Variants in SNX10 observed in about 807,000 individuals in gnomAD.
The protein encoded by SNX10 is sorting nexin-10.
In SNX10, 25 loss-of-function variants were observed where a neutral mutation model predicts 28.5. That is an observed-to-expected ratio of 0.88 (90% CI 0.64 to 1.22). The LOEUF is 1.22. Among genes scored for constraint, SNX10 ranks in the 50% most tolerant of loss-of-function variants. The probability of loss-of-function intolerance (pLI) is 0.00; values close to 1 mark genes in which losing one functional copy is unlikely to be tolerated. For synonymous variants in SNX10, 62 were observed against 81.4 expected (o/e 0.76, Z 1.28); for missense variants, 223 against 242.6 (o/e 0.92, Z 0.54).
At position 26,372,323 on chromosome 7, in the gene SNX10, G is replaced by C. The variant is rs548436144; in HGVS notation, c.525-168G>C. ...GAATTATTCGCGTTTAAATTATCTAGCTAAAAAAATACCCAACTGCACTCC... is the reference window on the plus strand; with the variant it reads ...GAATTATTCGCGTTTAAATTATCTACCTAAAAAAATACCCAACTGCACTCC... On this transcript the variant is annotated intron_variant, in intron 6 of 6. Coordinates refer to ENST00000338523, the MANE Select transcript of SNX10 (RefSeq NM_013322.3). 1.4e-5 allele frequency: 9 copies of C among 628,648 alleles called. No homozygotes were observed. In the African/African-American group the frequency reaches 1.6e-4, roughly 11 times the overall value. 38.9% of individuals were successfully genotyped at this position (628,648 alleles called of 1,614,324 possible).
intron 1 of SNX10, among the ~76,000 whole-genome samples, chr7:26,314,035 C>T (rs1786959386): frequency 6.6e-6 from 1 of 152,144 alleles, no homozygotes; most frequent in South Asian, 2.1e-4. Flanking sequence ...TCTCGAACTC[C>T]TGACCTCAGG....
At chr7:26,329,868 C>G (rs1476409514) in intron 1 of SNX10, among the ~76,000 whole-genome samples, 3 of 152,094 alleles carry the variant, frequency 2.0e-5, no homozygotes, top group Non-Finnish European at 4.4e-5. Context: ...CCCTGAGATA[C>G]AAGTGGCTCG....
chr7:26,356,481 G>A (rs984538613), intron 2 of SNX10, among the ~76,000 whole-genome samples: 1 of 152,148 alleles, frequency 6.6e-6, no homozygotes, highest in African/African-American at 2.4e-5. Context: ...TGAGGGATGC[G>A]TCTAATTAAG....
At chr7:26,359,268 T>C (rs575494951) in intron 2 of SNX10, among the ~76,000 whole-genome samples, 13 of 152,292 alleles carry the variant, frequency 8.5e-5, no homozygotes, top group African/African-American at 3.1e-4. Context: ...TGAAACTTGA[T>C]AGGGGCAAAA....
chr7:26,370,473 T>A (rs1789476176), intron 5 of SNX10: 1 of 152,220 alleles, frequency 6.6e-6, no homozygotes, highest in African/African-American at 2.4e-5. Flanking sequence ...CACAAAGGTT[T>A]TACTTTTCCT....
At chr7:26,304,663 C>G (rs1247704964) in intron 1 of SNX10, among the ~76,000 whole-genome samples, 1 of 152,200 alleles carries the variant, frequency 6.6e-6, no homozygotes, top group African/African-American at 2.4e-5. Flanking sequence ...TTCAGTCCCA[C>G]TTTACCACAT....
At position 26,361,029 on chromosome 7, in the gene SNX10, C is replaced by A; in HGVS notation, c.79C>A (p.His27Asn). 1.2e-6 allele frequency: 2 copies of A among 1,607,030 alleles called. No individual in the cohort carries two copies. The highest frequency in any genetic ancestry group is 8.5e-7 in the Non-Finnish European group (1 of 1,174,278). ...TAGGATTCAGAAGGAGGACTTCTGG[C>A]ATTCTTACATTGACTATGAGATATG... Reference protein sequence around the residue: ...DPRIQKEDFWHSYIDYEICIH... With the variant: ...DPRIQKEDFWNSYIDYEICIH... Residue 27 changes from histidine (H) to asparagine (N), a missense_variant, in exon 3 of 7, where the codon CAT becomes AAT. Physicochemically the swap from His to Asn is moderately conservative, Grantham distance 68. Transcript: ENST00000338523.
At chr7:26,341,505 T>C (rs1231555651) in intron 1 of SNX10, among the ~76,000 whole-genome samples, 1 of 151,640 alleles carries the variant, frequency 6.6e-6, no homozygotes, top group African/African-American at 2.4e-5. Flanking sequence ...GTGCATTTTT[T>C]TTTTTTTGAG....
chr7:26,309,876 T>A (rs1447320515), intron 1 of SNX10, among the ~76,000 whole-genome samples: 1 of 152,160 alleles, frequency 6.6e-6, no homozygotes, highest in African/African-American at 2.4e-5. Context: ...TTTGCAAAAT[T>A]GAAGTAATAA....
intron 1 of SNX10, among the ~76,000 whole-genome samples, chr7:26,345,602 G>A (rs1170385368): frequency 2.0e-5 from 3 of 152,180 alleles, no homozygotes; most frequent in Non-Finnish European, 4.4e-5. Flanking sequence ...AGTGACATGA[G>A]TATAGAGACT....
chr7:26,342,646 C>T (rs971988510), intron 1 of SNX10, among the ~76,000 whole-genome samples: 11 of 151,994 alleles, frequency 7.2e-5, no homozygotes, highest in African/African-American at 2.4e-4. Context: ...TAGGAAAATT[C>T]AGACAATATG....
At chr7:26,316,703 G>A (rs893032248) in intron 1 of SNX10, among the ~76,000 whole-genome samples, 5 of 152,158 alleles carry the variant, frequency 3.3e-5, no homozygotes, top group South Asian at 2.1e-4. Context: ...ATACCGAGGC[G>A]CACAGAGGGT....
intron 1 of SNX10, among the ~76,000 whole-genome samples, chr7:26,321,477 T>C (rs1301476685): frequency 3.3e-5 from 5 of 152,224 alleles, no homozygotes; most frequent in African/African-American, 1.2e-4. Context: ...CAAGATTAGC[T>C]TTCTTTGAAG....
intron 2 of SNX10, among the ~76,000 whole-genome samples, chr7:26,355,500 T>C (rs956216441): frequency 6.6e-6 from 1 of 152,224 alleles, no homozygotes; most frequent in South Asian, 2.1e-4. Context: ...ATCTTAGATT[T>C]TCAGCATAGA....
chr7:26,305,160 T>C (rs2127995163), intron 1 of SNX10, among the ~76,000 whole-genome samples: 1 of 152,272 alleles, frequency 6.6e-6, no homozygotes, highest in East Asian at 1.9e-4. Context: ...TGATCTTGCA[T>C]AGTCTCCTGG....
intron 1 of SNX10, among the ~76,000 whole-genome samples, chr7:26,322,126 C>T (rs1018783146): frequency 1.3e-5 from 2 of 151,534 alleles, no homozygotes; most frequent in Admixed American, 6.6e-5. Flanking sequence ...CCCAGGCAGC[C>T]CGTCCTACCA....
intron 1 of SNX10, among the ~76,000 whole-genome samples, chr7:26,315,241 G>A (rs1448088821): frequency 6.6e-6 from 1 of 152,146 alleles, no homozygotes; most frequent in Admixed American, 6.5e-5. Flanking sequence ...AACCTAGGAA[G>A]AAAGGCATTT....
Position 26,364,520 on chromosome 7 carries a change from A to C in SNX10, c.112-15A>C, listed in dbSNP as rs1018824209. On this transcript the variant is annotated splice_polypyrimidine_tract_variant and intron_variant, in intron 3 of 6. Transcript: ENST00000338523. The surrounding 1 kb of genome is among the most constrained non-coding windows in gnomAD (Gnocchi z 4.9). Reference sequence around the variant, plus strand: ...TTCCTCAGGTAAGACTCATTTTTCTACTTTCTCTGTACAGACTAATAGCAT... The same window carrying C: ...TTCCTCAGGTAAGACTCATTTTTCTCCTTTCTCTGTACAGACTAATAGCAT... 15 of 1,593,218 alleles carry C rather than the reference A, an allele frequency of 9.4e-6. No homozygotes were observed. The highest frequency in any genetic ancestry group is 1.3e-5 in the Non-Finnish European group (15 of 1,170,712).
intron 1 of SNX10, among the ~76,000 whole-genome samples, chr7:26,297,228 T>TG (rs1054396228): frequency 2.6e-5 from 4 of 152,180 alleles, no homozygotes; most frequent in African/African-American, 9.6e-5. Context: ...CCCAAGTAAC[T>TG]GGGGTTATAG....
Sources: allele counts gnomAD v4.1 joint callset (sites outside exome capture counted in the v4.1 genomes callset), GRCh38; gene constraint gnomAD v4.1.1; non-coding constraint Gnocchi (gnomAD v3.1); transcripts MANE v1.5; gene names NCBI Gene and HGNC (gene_info 2026-07-23, HGNC 2026-07-21).